ZFYVE26: variants seen among roughly 807,000 people sequenced by gnomAD.
ZFYVE26 encodes zinc finger FYVE-type containing 26.
Under a neutral mutation model 276.5 loss-of-function variants are expected in ZFYVE26, and 181 were observed. The observed-to-expected ratio is 0.65, with a 90% CI of 0.58 to 0.74. ZFYVE26 has a LOEUF of 0.74. Among genes scored for constraint, ZFYVE26 ranks in the 30% least tolerant of loss-of-function variants. ZFYVE26 has a pLI of 0.00. For missense variants in ZFYVE26, 2,821 were observed against 3,097.9 expected, an observed-to-expected ratio of 0.91 and a Z score of 2.12; for synonymous variants, 1,129 against 1,203.1, an observed-to-expected ratio of 0.94 and a Z score of 1.27.
rs200387832 is a variant in ZFYVE26, at chr14:67,733,780, C to A, written n.2680-3961G>T. ...GAGGACCTGGGTGTCTCCAAGGGCC[C>A]GAAATAACAAAACAGCTGAGCGCCT... On this transcript the variant is annotated intron_variant and non_coding_transcript_variant, in intron 13 of 14. Coordinates refer to the ZFYVE26 transcript ENST00000394455. 1 of 1,613,060 alleles carries A rather than the reference C, an allele frequency of 6.2e-7. No homozygotes were observed. Among genetic ancestry groups the A allele is most frequent in the Admixed American group, 1.7e-5 (1 of 59,962 alleles).
chr14:67,761,115 T>C (rs772642841), intron 35 of ZFYVE26: 45 of 645,922 alleles, frequency 7.0e-5, no homozygotes, highest in Non-Finnish European at 1.1e-4. Flanking sequence ...TTCTGCTGCA[T>C]GTTTTGGCAG....
intron 40 of ZFYVE26, 72 bp from the exon 41 acceptor site, chr14:67,751,168 C>G: frequency 1.3e-6 from 2 of 1,560,952 alleles, no homozygotes; most frequent in Non-Finnish European, 1.8e-6. Flanking sequence ...CCCAACCCAG[C>G]CTCAGCCCAG....
rs1430848634 is a variant in ZFYVE26, at chr14:67,754,218, G to T, written c.6987-6C>A. On this transcript the variant is annotated splice_region_variant and splice_polypyrimidine_tract_variant and intron_variant, in intron 37 of 41. Coordinates refer to ENST00000347230, the MANE Select transcript of ZFYVE26 (RefSeq NM_015346.4). Reference sequence around the variant, plus strand: ...GCTGAAGTGTGTTCATGTGCCTGTGGTGACAGAATATGCACAGTCCAGCCT... The same window carrying T: ...GCTGAAGTGTGTTCATGTGCCTGTGTTGACAGAATATGCACAGTCCAGCCT... 1 of 1,614,074 alleles carries T rather than the reference G, an allele frequency of 6.2e-7. No individual in the cohort carries two copies. The highest frequency in any genetic ancestry group is 8.5e-7 in the Non-Finnish European group (1 of 1,180,048).
intron 32 of ZFYVE26, among the ~76,000 whole-genome samples, chr14:67,764,923 CTAAA>C (rs2039019320): frequency 6.6e-6 from 1 of 152,208 alleles, no homozygotes; most frequent in Non-Finnish European, 1.5e-5. Context: ...TCTCCCCAAT[CTAAA>C]TATCTTTTCC....
At chr14:67,766,948 C>T (rs2039076300) in intron 31 of ZFYVE26, among the ~76,000 whole-genome samples, 1 of 152,110 alleles carries the variant, frequency 6.6e-6, no homozygotes, top group Non-Finnish European at 1.5e-5. Context: ...AAGCGATTCA[C>T]CCACCTCAGA....
rs763064457 is a variant in ZFYVE26 at position 67,752,341 on chromosome 14, T to C, written c.7371+3A>G. 76 of 1,608,256 alleles carry C rather than the reference T, an allele frequency of 4.7e-5. No individual in the cohort carries two copies. Among genetic ancestry groups the C allele is most frequent in the Non-Finnish European group, 6.5e-5 (76 of 1,177,480 alleles). On this transcript the variant is annotated splice_donor_region_variant and intron_variant, in intron 40 of 41. Transcript: ENST00000347230. ...GAGCCAAGAGGTACGGGAGGGAGTG[T>C]ACCTGGGGCGGAATTCTCTTGAACG...
At chr14:67,752,593 T>C (rs1655576560) in intron 39 of ZFYVE26, 67 bp from the exon 40 acceptor site, 2 of 1,541,738 alleles carry the variant, frequency 1.3e-6, no homozygotes, top group East Asian at 2.2e-5. Context: ...GGAGGCAGCA[T>C]TTAAAAGCTC....
At position 67,780,106 on chromosome 14, in the gene ZFYVE26, G is replaced by A. The variant is rs28451245; in HGVS notation, c.4674+135C>T. 0.011 allele frequency: 9,102 copies of A among 856,018 alleles called. 425 individuals are homozygous for A. In the African/African-American group the frequency reaches 0.11, roughly 11 times the overall value. The allele number at this position is 856,018 out of a possible 1,614,324, so 53.0% of individuals were successfully genotyped here. A position where few individuals can be genotyped will look rare whatever the true frequency, so the allele number is the denominator to read the frequency against. On this transcript the variant is annotated intron_variant, in intron 23 of 41. Transcript: ENST00000347230. The stretch of plus-strand genomic sequence containing the variant: ...GATCTCCTGACCTTGTGAGCCGCCC[G>A]CCTCGGCCAGAATGTGGTATAGTTA...
chr14:67,784,586 C>T (rs1288544134), intron 19 of ZFYVE26, 150 bp from the exon 20 acceptor site: 11 of 750,520 alleles, frequency 1.5e-5, no homozygotes, highest in Middle Eastern at 4.5e-4. Flanking sequence ...AGGGTATTCT[C>T]AACATGAACC....
chr14:67,806,146 A>G (rs1467128222), intron 6 of ZFYVE26, among the ~76,000 whole-genome samples: 2 of 152,238 alleles, frequency 1.3e-5, no homozygotes, highest in African/African-American at 4.8e-5. Flanking sequence ...ATTACAGTAC[A>G]TGGCACAGAG....
Position 67,807,749 on chromosome 14 carries a change from C to T in ZFYVE26, c.535G>A (p.Asp179Asn). 5 of 1,614,196 alleles carry T rather than the reference C, an allele frequency of 3.1e-6. No individual in the cohort carries two copies. Among genetic ancestry groups the T allele is most frequent in the Non-Finnish European group, 4.2e-6 (5 of 1,180,028 alleles). ...QALLELLLEE[D>N]DGTGLCHWPL... ...CAGTGACAGAGGCCAGTACCGTCAT[C>T]CTCCTCAAGCAGGAGCTCCAGCAGG... The change falls in exon 5 of 42, where the codon GAT becomes AAT. Residue 179 changes from aspartate (D) to asparagine (N), a missense_variant. Asp to Asn is a conservative substitution (Grantham distance 23, BLOSUM62 1). Coordinates refer to ENST00000347230, the MANE Select transcript of ZFYVE26 (RefSeq NM_015346.4).
At chr14:67,756,991 G>A (rs2038795041) in intron 35 of ZFYVE26, among the ~76,000 whole-genome samples, 1 of 151,900 alleles carries the variant, frequency 6.6e-6, no homozygotes, top group African/African-American at 2.4e-5. Flanking sequence ...CATTCTTTTA[G>A]TTGTTCAGGT....
intron 29 of ZFYVE26, among the ~76,000 whole-genome samples, chr14:67,769,117 C>T (rs575130888): frequency 9.9e-5 from 15 of 152,080 alleles, no homozygotes; most frequent in South Asian, 6.2e-4. Context: ...AAATTTGTTA[C>T]CAGGTGAACT....
At chr14:67,733,141 AC>A (rs1397115504) in intron 13 of ZFYVE26, among the ~76,000 whole-genome samples, 8 of 146,394 alleles carry the variant, frequency 5.5e-5, no homozygotes, top group Admixed American at 4.1e-4. Flanking sequence ...ATTAAAAAAA[AC>A]AAAAAAAAAC....
Position 67,762,424 on chromosome 14 carries a change from A to T in ZFYVE26, c.6160-12T>A. 1 of 1,611,626 alleles carries T rather than the reference A, an allele frequency of 6.2e-7. No individual in the cohort carries two copies. Among genetic ancestry groups the T allele is most frequent in the African/African-American group, 1.3e-5 (1 of 74,998 alleles). On this transcript the variant is annotated splice_polypyrimidine_tract_variant and intron_variant, in intron 33 of 41. Transcript: ENST00000347230. ...GTCTTTGTGGAGACCTGGGAGAAAAATTGCCCCTTTTAGTGAGTGGTAGCT... is the reference window on the plus strand; with the variant it reads ...GTCTTTGTGGAGACCTGGGAGAAAATTTGCCCCTTTTAGTGAGTGGTAGCT...
chr14:67,759,138 G>A (rs2038864567), intron 35 of ZFYVE26, among the ~76,000 whole-genome samples: 1 of 151,194 alleles, frequency 6.6e-6, no homozygotes, highest in African/African-American at 2.4e-5. Context: ...CTACCTACTT[G>A]GGAGGCTGAG....
At chr14:67,773,548 A>AAC (rs2039265492) in intron 27 of ZFYVE26, among the ~76,000 whole-genome samples, 1 of 16,854 alleles carries the variant, frequency 5.9e-5, no homozygotes, top group African/African-American at 8.8e-5. Context: ...AAAAAAAAAA[A>AAC]AGGCGCACAC....
chr14:67,750,118 G>C (rs547857692), intron 41 of ZFYVE26, among the ~76,000 whole-genome samples: 2 of 152,180 alleles, frequency 1.3e-5, no homozygotes, highest in Non-Finnish European at 2.9e-5. Context: ...GGACCTGGGC[G>C]TCTGTCCTGG....
rs2140207359 is a variant in ZFYVE26 at position 67,772,087 on chromosome 14, TCA to T, written c.5442_5443del (p.Ser1816TyrfsTer14). On this transcript the variant is annotated frameshift_variant, in exon 28 of 42. Coordinates refer to ENST00000347230, the MANE Select transcript of ZFYVE26 (RefSeq NM_015346.4). LOFTEE classifies it high-confidence loss of function. The stretch of plus-strand genomic sequence containing the variant: ...CCTGCAGCAGACCATGCAGATACTC[TCA>T]GTCTCATCCGGTACCCACTGGTGCC... 5 of 1,612,272 alleles carry T rather than the reference TCA, an allele frequency of 3.1e-6. No individual in the cohort carries two copies. The highest frequency in any genetic ancestry group is 4.2e-6 in the Non-Finnish European group (5 of 1,179,580).
Sources: gnomAD v4.1 joint callset for allele counts (sites outside exome capture counted in the v4.1 genomes callset) on GRCh38, gnomAD v4.1.1 for gene constraint, MANE v1.5 for transcripts, NCBI Gene and HGNC (gene_info 2026-07-23, HGNC 2026-07-21) for gene names.